TTC1: variants seen among roughly 807,000 people sequenced by gnomAD.
TTC1 encodes the protein tetratricopeptide repeat protein 1.
TTC1 carries 31 observed loss-of-function variants against 37.6 expected under a neutral mutation model. That is an observed-to-expected ratio of 0.82 (90% confidence interval 0.62 to 1.11). The LOEUF is 1.11. TTC1 is among the 50% of genes most tolerant of loss of function. The pLI, the probability that TTC1 is intolerant of heterozygous loss-of-function variation, is 0.00. For missense variants in TTC1, 351 were observed against 339.0 expected, an observed-to-expected ratio of 1.04 and a Z score of -0.28; for synonymous variants, 127 against 122.4, an observed-to-expected ratio of 1.04 and a Z score of -0.25.
At chr5:160,025,349 A>T (rs1388950747) in intron 2 of TTC1, among the ~76,000 whole-genome samples, 1 of 152,052 alleles carries the variant, frequency 6.6e-6, no homozygotes, top group East Asian at 1.9e-4. Flanking sequence ...TTTAGTAGAG[A>T]CGGGGTTTTG....
At chr5:160,016,009 G>A (rs1403066761) in intron 2 of TTC1, among the ~76,000 whole-genome samples, 1 of 152,236 alleles carries the variant, frequency 6.6e-6, no homozygotes, top group African/African-American at 2.4e-5. Flanking sequence ...TATAGTAGGA[G>A]AGAAAAATGT....
intron 4 of TTC1, among the ~76,000 whole-genome samples, chr5:160,042,236 C>G (rs1757111900): frequency 6.6e-6 from 1 of 152,208 alleles, no homozygotes; most frequent in Admixed American, 6.5e-5. Context: ...AGCCCTGAAA[C>G]TGCTTTTGAT....
At chr5:160,020,137 C>T (rs1056872276) in intron 2 of TTC1, among the ~76,000 whole-genome samples, 5 of 152,104 alleles carry the variant, frequency 3.3e-5, no homozygotes, top group Non-Finnish European at 7.4e-5. Context: ...CCATGTTGGC[C>T]AGGCTGGTCT....
chr5:160,017,722 C>A (rs1362259647), intron 2 of TTC1, among the ~76,000 whole-genome samples: 1 of 152,178 alleles, frequency 6.6e-6, no homozygotes, highest in African/African-American at 2.4e-5. Context: ...GGCTTGAGGA[C>A]CACTGTCACA....
chr5:160,035,927 C>G lies in TTC1; in HGVS notation c.391+727C>G, dbSNP rs1295753632. 2.7e-5 allele frequency among the ~76,000 whole-genome samples: 4 copies of G among 149,306 alleles called. No homozygotes were observed. In the South Asian group the frequency reaches 8.4e-4, roughly 31 times the overall value. On this transcript the variant is annotated intron_variant, in intron 3 of 7. Coordinates refer to ENST00000231238, the MANE Select transcript of TTC1 (RefSeq NM_003314.3). ...TTCTTATTGTTTTCCAAAAGTTACC[C>G]TATTACCTGATTTCAGATTTTAGGG...
chr5:160,031,379 A>G (rs1296500969), intron 2 of TTC1, among the ~76,000 whole-genome samples: 1 of 152,182 alleles, frequency 6.6e-6, no homozygotes, highest in African/African-American at 2.4e-5. Flanking sequence ...TGGGAGGCCA[A>G]GGCAGGTGAA....
intron 2 of TTC1, among the ~76,000 whole-genome samples, chr5:160,012,877 A>G (rs1301939025): frequency 1.3e-5 from 2 of 151,808 alleles, no homozygotes; most frequent in Non-Finnish European, 2.9e-5. Context: ...CATGTCAGAA[A>G]CTCCATTTGT....
intron 5 of TTC1, 132 bp from the exon 6 acceptor site, chr5:160,049,382 A>G: frequency 1.3e-6 from 1 of 796,148 alleles, no homozygotes; most frequent in Non-Finnish European, 1.8e-6. Context: ...GTTTTCCAGC[A>G]TCAGGTATAC....
intron 5 of TTC1, among the ~76,000 whole-genome samples, chr5:160,045,513 C>CACAT (rs1757206862): frequency 1.4e-4 from 7 of 50,328 alleles, no homozygotes; most frequent in Non-Finnish European, 2.3e-4. Flanking sequence ...CACACACACA[C>CACAT]ATACACACTC....
chr5:160,017,293 A>T (rs999020025), intron 2 of TTC1, among the ~76,000 whole-genome samples: 1 of 152,180 alleles, frequency 6.6e-6, no homozygotes, highest in Admixed American at 6.5e-5. Flanking sequence ...TATTGCTCAT[A>T]ATTCTGGAGG....
At chr5:160,033,911 C>T (rs1756959528) in intron 2 of TTC1, among the ~76,000 whole-genome samples, 1 of 152,158 alleles carries the variant, frequency 6.6e-6, no homozygotes, top group Non-Finnish European at 1.5e-5. Context: ...AATCAGAATG[C>T]TAACTGTATT....
chr5:160,058,480 G>A (rs1402226249), intron 7 of TTC1, among the ~76,000 whole-genome samples: 3 of 147,398 alleles, frequency 2.0e-5, no homozygotes, highest in Non-Finnish European at 3.0e-5. Context: ...GTGCGATCTC[G>A]GCTCAGTGCA....
chr5:160,064,170 T>C (rs1477274424), intron 7 of TTC1, among the ~76,000 whole-genome samples: 1 of 151,952 alleles, frequency 6.6e-6, no homozygotes, highest in Non-Finnish European at 1.5e-5. Context: ...GGTTTCATCA[T>C]GTTGGCCAGG....
intron 5 of TTC1, among the ~76,000 whole-genome samples, chr5:160,045,520 A>ACC (rs1202139318): frequency 3.6e-5 from 2 of 54,882 alleles, no homozygotes; most frequent in Non-Finnish European, 3.3e-5. Flanking sequence ...ACACATACAC[A>ACC]CTCTCTCTCT....
At chr5:160,043,239 A>G in intron 5 of TTC1, 70 bp downstream of exon 5, 2 of 1,564,176 alleles carry the variant, frequency 1.3e-6, no homozygotes, top group South Asian at 2.3e-5. Flanking sequence ...GCTTTGGGTC[A>G]GGTGTGCACT....
At chr5:160,010,371 A>G in intron 1 of TTC1, 129 bp from the exon 2 acceptor site, 1 of 558,308 alleles carries the variant, frequency 1.8e-6, no homozygotes, top group South Asian at 3.0e-5. Context: ...ATTTTTAAAT[A>G]ATGAATTCCA....
intron 7 of TTC1, among the ~76,000 whole-genome samples, chr5:160,055,387 G>A (rs902418065): frequency 2.6e-5 from 4 of 152,208 alleles, no homozygotes; most frequent in African/African-American, 9.6e-5. Context: ...TAACGGGGAA[G>A]CCCTACCCAG....
At chr5:160,035,301 A>C in intron 3 of TTC1, 101 bp downstream of exon 3, 1 of 942,426 alleles carries the variant, frequency 1.1e-6, no homozygotes, top group Non-Finnish European at 1.5e-6. Context: ...AAACCCCAAA[A>C]CCAGACTTCA....
chr5:160,040,149 G>A (rs1007169126), intron 4 of TTC1, among the ~76,000 whole-genome samples: 2 of 152,200 alleles, frequency 1.3e-5, no homozygotes, highest in Non-Finnish European at 1.5e-5. Context: ...ACTATAGGCA[G>A]TTGGAACACA....
Sources: gnomAD v4.1 joint callset for allele counts (sites outside exome capture counted in the v4.1 genomes callset) on GRCh38, gnomAD v4.1.1 for gene constraint, MANE v1.5 for transcripts, NCBI Gene and HGNC (gene_info 2026-07-23, HGNC 2026-07-21) for gene names.